HOMER2: variants seen among roughly 807,000 people sequenced by gnomAD.
HOMER2 encodes the protein homer scaffold protein 2.
HOMER2 carries 27 observed loss-of-function variants against 47.0 expected under a neutral mutation model. The ratio of observed to expected loss-of-function variants is 0.57; its 90% CI spans 0.42 to 0.79. The LOEUF (loss-of-function observed/expected upper bound fraction) is 0.79, where lower values mean the gene tolerates loss of function less well. Among genes scored for constraint, HOMER2 ranks in the 30% least tolerant of loss-of-function variants. HOMER2 has a pLI of 0.00. For synonymous variants in HOMER2, 161 were observed against 163.8 expected (o/e 0.98, Z 0.13); for missense variants, 443 against 435.0 (o/e 1.02, Z -0.16).
At chr15:82,980,823 G>C (rs111531979) in intron 1 of HOMER2, among the ~76,000 whole-genome samples, 2 of 152,156 alleles carry the variant, frequency 1.3e-5, no homozygotes, top group African/African-American at 4.8e-5. Flanking sequence ...ACTTTGCCAG[G>C]GTGGTTTTAT....
intron 1 of HOMER2, among the ~76,000 whole-genome samples, chr15:82,919,065 G>A (rs538037047): frequency 2.5e-4 from 38 of 152,278 alleles, no homozygotes; most frequent in Admixed American, 1.8e-3. Flanking sequence ...GCAGGGCCTG[G>A]GCCACAGGAG....
intron 1 of HOMER2, among the ~76,000 whole-genome samples, chr15:82,978,504 T>C (rs545966274): frequency 6.6e-6 from 1 of 152,288 alleles, no homozygotes; most frequent in East Asian, 1.9e-4. Flanking sequence ...ACAGCATGTG[T>C]ACAACATAGT....
intron 1 of HOMER2, among the ~76,000 whole-genome samples, chr15:82,911,303 T>C (rs2053447255): frequency 6.6e-6 from 1 of 152,188 alleles, no homozygotes; most frequent in Non-Finnish European, 1.5e-5. Flanking sequence ...ACTTGCAAAT[T>C]AGTTCTAGTT....
chr15:82,954,460 GT>G (rs34974567), upstream of HOMER2, among the ~76,000 whole-genome samples: 74 of 134,388 alleles, frequency 5.5e-4, no homozygotes, highest in East Asian at 9.0e-4. Context: ...ACCACGCCCA[GT>G]TTTTTTTTTT....
chr15:82,866,302 C>T (rs1240145737), intron 3 of HOMER2, among the ~76,000 whole-genome samples: 7 of 152,194 alleles, frequency 4.6e-5, no homozygotes, highest in African/African-American at 1.7e-4. Flanking sequence ...CCTGTAGCCC[C>T]TTTGTTTTGG....
chr15:82,983,977 C>A (rs767875697), intron 1 of HOMER2, among the ~76,000 whole-genome samples: 3 of 152,050 alleles, frequency 2.0e-5, no homozygotes, highest in Admixed American at 2.0e-4. Context: ...CGCACTATAG[C>A]GCGCTAACCA....
At chr15:82,978,146 T>C (rs1248725259) in intron 1 of HOMER2, among the ~76,000 whole-genome samples, 2 of 152,060 alleles carry the variant, frequency 1.3e-5, no homozygotes, top group Non-Finnish European at 2.9e-5. Context: ...GGAGACCCCA[T>C]ATTGAAATAA....
At chr15:82,976,262 G>A (rs954157943) in intron 1 of HOMER2, among the ~76,000 whole-genome samples, 12 of 151,630 alleles carry the variant, frequency 7.9e-5, no homozygotes, top group Non-Finnish European at 1.8e-4. Context: ...ATCTCTCCCT[G>A]CATCCCATTA....
intron 2 of HOMER2, among the ~76,000 whole-genome samples, chr15:82,875,758 G>A (rs1300973730): frequency 6.6e-6 from 1 of 152,206 alleles, no homozygotes; most frequent in Non-Finnish European, 1.5e-5. Context: ...GGCTAGCCAT[G>A]TCCCACATTC....
chr15:82,917,061 A>G (rs1032012349), intron 1 of HOMER2, among the ~76,000 whole-genome samples: 1 of 152,082 alleles, frequency 6.6e-6, no homozygotes, highest in Non-Finnish European at 1.5e-5. Context: ...CGGCCTCTCA[A>G]AGTGCTGGGA....
chr15:82,869,795 G>A (rs2052118806), intron 3 of HOMER2, among the ~76,000 whole-genome samples: 1 of 152,072 alleles, frequency 6.6e-6, no homozygotes, highest in East Asian at 1.9e-4. Flanking sequence ...TTACCCTGAA[G>A]GATACACTGC....
intron 5 of HOMER2, among the ~76,000 whole-genome samples, chr15:82,855,742 G>C (rs1004196779): frequency 6.6e-6 from 1 of 152,332 alleles, no homozygotes; most frequent in African/African-American, 2.4e-5. Flanking sequence ...AGGAGACCAG[G>C]AATCTGAGGG....
intron 1 of HOMER2, among the ~76,000 whole-genome samples, chr15:82,948,478 G>T (rs577518846): frequency 1.3e-5 from 2 of 152,132 alleles, no homozygotes; most frequent in South Asian, 4.2e-4. Context: ...CATGAGAATC[G>T]CTTGAACCTG....
downstream of HOMER2, chr15:82,844,692 G>A (rs2051215542): frequency 6.6e-6 from 1 of 152,058 alleles, no homozygotes; most frequent in Non-Finnish European, 1.5e-5. Context: ...TACCAAGAAA[G>A]CATTTAAAAA....
chr15:82,899,209 T>C (rs1311835562), intron 1 of HOMER2, among the ~76,000 whole-genome samples: 1 of 152,252 alleles, frequency 6.6e-6, no homozygotes, highest in East Asian at 1.9e-4. Flanking sequence ...TCATCTGTAC[T>C]TTCACACATC....
At chr15:82,919,754 C>CAT (rs2053680606) in intron 1 of HOMER2, among the ~76,000 whole-genome samples, 1 of 152,198 alleles carries the variant, frequency 6.6e-6, no homozygotes, top group Admixed American at 6.5e-5. Context: ...TCTTTCTGTA[C>CAT]AGTTCCAATG....
At chr15:82,867,248 T>A (rs902336219) in intron 3 of HOMER2, among the ~76,000 whole-genome samples, 1 of 152,038 alleles carries the variant, frequency 6.6e-6, no homozygotes, top group Non-Finnish European at 1.5e-5. Context: ...ACTGAGCATG[T>A]ATCAAGCTTC....
intron 1 of HOMER2, among the ~76,000 whole-genome samples, chr15:82,909,463 G>C (rs2053390118): frequency 6.6e-6 from 1 of 152,142 alleles, no homozygotes; most frequent in Non-Finnish European, 1.5e-5. Context: ...GAGTGGTGGG[G>C]TGAGTAGTTT....
intron 1 of HOMER2, among the ~76,000 whole-genome samples, chr15:82,897,023 G>C (rs1285616449): frequency 6.7e-6 from 1 of 149,160 alleles, no homozygotes; most frequent in Non-Finnish European, 1.5e-5. Context: ...AACCTGACTT[G>C]GGTCATGCAG....
Sources: allele counts gnomAD v4.1 joint callset (sites outside exome capture counted in the v4.1 genomes callset), GRCh38; gene constraint gnomAD v4.1.1; transcripts MANE v1.5; gene names NCBI Gene and HGNC (gene_info 2026-07-23, HGNC 2026-07-21).